SIPA1L1: variants seen among roughly 807,000 people sequenced by gnomAD.
SIPA1L1 encodes the protein signal-induced proliferation-associated 1-like protein 1.
In SIPA1L1, 26 loss-of-function variants were observed where a neutral mutation model predicts 162.7. The ratio of observed to expected loss-of-function variants is 0.16; its 90% CI spans 0.12 to 0.22. SIPA1L1 has a LOEUF of 0.22. Ranked by LOEUF, SIPA1L1 falls within the 10% of genes least tolerant of loss-of-function variation. The pLI, the probability that SIPA1L1 is intolerant of heterozygous loss-of-function variation, is 1.00. For missense variants in SIPA1L1, 1,874 were observed against 2,241.0 expected, an observed-to-expected ratio of 0.84 and a Z score of 3.31; for synonymous variants, 829 against 837.4, an observed-to-expected ratio of 0.99 and a Z score of 0.17.
chr14:71,687,715 A>C (rs1049049028), intron 13 of SIPA1L1, among the ~76,000 whole-genome samples: 1 of 152,116 alleles, frequency 6.6e-6, no homozygotes, highest in African/African-American at 2.4e-5. Context: ...TAGATCCTTG[A>C]GTTCTAGAGG....
intron 2 of SIPA1L1, among the ~76,000 whole-genome samples, chr14:71,338,543 A>G (rs1304617224): frequency 2.6e-5 from 4 of 152,066 alleles, no homozygotes; most frequent in African/African-American, 9.7e-5. Flanking sequence ...GCTCAGTTAC[A>G]CTAGTGATTA....
intron 3 of SIPA1L1, among the ~76,000 whole-genome samples, chr14:71,514,543 A>G (rs1350880557): frequency 6.6e-6 from 1 of 152,094 alleles, no homozygotes; most frequent in East Asian, 1.9e-4. Context: ...TGCTGCCTGC[A>G]ACTTATTGTT....
intron 23 of SIPA1L1, among the ~76,000 whole-genome samples, chr14:71,738,696 A>G (rs1477229165): frequency 6.6e-6 from 1 of 152,148 alleles, no homozygotes; most frequent in Non-Finnish European, 1.5e-5. Context: ...GGCCTTGACT[A>G]TATATCAAGA....
chr14:71,393,073 T>G (rs1424640811), intron 2 of SIPA1L1, among the ~76,000 whole-genome samples: 1 of 152,234 alleles, frequency 6.6e-6, no homozygotes, highest in East Asian at 1.9e-4. Context: ...ATTGGTTGAT[T>G]TAAACCTTTG....
intron 17 of SIPA1L1, among the ~76,000 whole-genome samples, chr14:71,710,807 C>CAA (rs570414143): frequency 4.3e-3 from 245 of 57,568 alleles, no homozygotes; most frequent in East Asian, 0.012. Context: ...GATTCTGTCT[C>CAA]AAAAAAAAAA....
At chr14:71,370,099 C>T (rs1367361036) in intron 2 of SIPA1L1, among the ~76,000 whole-genome samples, 22 of 137,334 alleles carry the variant, frequency 1.6e-4, no homozygotes, top group Non-Finnish European at 2.7e-4. Flanking sequence ...ACAATCATGT[C>T]GTCTGCAAAC....
intron 4 of SIPA1L1, among the ~76,000 whole-genome samples, chr14:71,583,686 T>C (rs1279437648): frequency 6.6e-6 from 1 of 152,150 alleles, no homozygotes; most frequent in Non-Finnish European, 1.5e-5. Context: ...TAATCATTTC[T>C]TGAAAAAAAA....
intron 12 of SIPA1L1, among the ~76,000 whole-genome samples, chr14:71,674,099 G>A (rs1215371964): frequency 6.6e-6 from 1 of 152,178 alleles, no homozygotes; most frequent in Non-Finnish European, 1.5e-5. Flanking sequence ...AGATAGCCAA[G>A]CTTTGTAAAT....
At chr14:71,369,776 G>T (rs2038702882) in intron 2 of SIPA1L1, among the ~76,000 whole-genome samples, 1 of 147,618 alleles carries the variant, frequency 6.8e-6, no homozygotes, top group African/African-American at 2.5e-5. Flanking sequence ...TCACGATATT[G>T]ATTCTTCCTA....
At chr14:71,732,276 T>G (rs961609684) in intron 20 of SIPA1L1, among the ~76,000 whole-genome samples, 2 of 152,148 alleles carry the variant, frequency 1.3e-5, no homozygotes, top group African/African-American at 4.8e-5. Context: ...GGTAAACAGG[T>G]CTTTCTGGAG....
intron 7 of SIPA1L1, among the ~76,000 whole-genome samples, chr14:71,626,613 T>C (rs1231281045): frequency 1.3e-5 from 2 of 152,232 alleles, no homozygotes; most frequent in Non-Finnish European, 2.9e-5. Flanking sequence ...TATGAATCAT[T>C]GCAAAGCATT....
chr14:71,533,088 G>A (rs958873412), intron 4 of SIPA1L1, among the ~76,000 whole-genome samples: 1 of 152,102 alleles, frequency 6.6e-6, no homozygotes, highest in Non-Finnish European at 1.5e-5. Context: ...CTTCCCTTTC[G>A]AAAATGTTGG....
chr14:71,422,499 C>G (rs761316875), intron 2 of SIPA1L1, among the ~76,000 whole-genome samples: 32 of 152,246 alleles, frequency 2.1e-4, no homozygotes, highest in Non-Finnish European at 3.4e-4. Context: ...TGCCCAGGCC[C>G]TGATGTCCAT....
At chr14:71,516,388 T>C (rs1356188037) in intron 3 of SIPA1L1, among the ~76,000 whole-genome samples, 1 of 152,174 alleles carries the variant, frequency 6.6e-6, no homozygotes, top group East Asian at 1.9e-4. Flanking sequence ...CAGGATTTTT[T>C]ATTAACCTTT....
At chr14:71,546,376 C>T (rs1022538723) in intron 4 of SIPA1L1, among the ~76,000 whole-genome samples, 7 of 116,922 alleles carry the variant, frequency 6.0e-5, no homozygotes, top group Non-Finnish European at 6.6e-5. Context: ...CTTTTTCTTT[C>T]TTTTTTTTTT....
chr14:71,452,323 A>G lies in SIPA1L1; in HGVS notation c.-464-60420A>G, dbSNP rs376573572. ...AATATGTACTCTTTGGTTGTACTCA[A>G]TGTAATGTTTGAGAAATGTATACAC... On this transcript the variant is annotated intron_variant, in intron 2 of 23. Transcript: ENST00000381232. 3.9e-5 allele frequency among the ~76,000 whole-genome samples: 6 copies of G among 152,114 alleles called. No individual in the cohort carries two copies. In the East Asian group the frequency reaches 9.6e-4, roughly 24 times the overall value.
At position 71,739,169 on chromosome 14, in the gene SIPA1L1, TGAG is replaced by T. The variant is rs1368469311; in HGVS notation, c.*14_*16del. Reference sequence around the variant, plus strand: ...ACCATAGACATGAGCTAGGGAAGGCTGAGGAGGACAGGAGAAGGGCCCAGACAC... The same window carrying T: ...ACCATAGACATGAGCTAGGGAAGGCTGAGGACAGGAGAAGGGCCCAGACAC... On this transcript the variant is annotated 3_prime_UTR_variant, in exon 24 of 24. Coordinates refer to ENST00000381232, the MANE Select transcript of SIPA1L1 (RefSeq NM_001386936.1). 1.2e-6 allele frequency: 2 copies of T among 1,610,412 alleles called. No homozygotes were observed. The highest frequency in any genetic ancestry group is 2.7e-5 in the African/African-American group (2 of 74,952).
chr14:71,724,071 C>T (rs1446561627), intron 18 of SIPA1L1, among the ~76,000 whole-genome samples, 185 bp downstream of exon 18: 1 of 152,104 alleles, frequency 6.6e-6, no homozygotes, highest in Non-Finnish European at 1.5e-5. Flanking sequence ...CTGCCTCATT[C>T]CTTAAATAAG....
intron 2 of SIPA1L1, among the ~76,000 whole-genome samples, chr14:71,376,485 A>C (rs1039633703): frequency 2.0e-5 from 3 of 151,444 alleles, no homozygotes; most frequent in Non-Finnish European, 4.4e-5. Context: ...ACTCTTGAAA[A>C]ACTAAAAAAT....
Sources: gnomAD v4.1 joint callset for allele counts (sites outside exome capture counted in the v4.1 genomes callset) on GRCh38, gnomAD v4.1.1 for gene constraint, MANE v1.5 for transcripts, NCBI Gene and HGNC (gene_info 2026-07-23, HGNC 2026-07-21) for gene names.